Variants in CALML4 observed in about 807,000 individuals in gnomAD.
CALML4 encodes calmodulin like 4, also known as calmodulin-like protein 4.
CALML4 carries 16 observed loss-of-function variants against 17.9 expected under a neutral mutation model. The observed-to-expected ratio is 0.89, with a 90% confidence interval of 0.61 to 1.36. The LOEUF (loss-of-function observed/expected upper bound fraction) is 1.36, where lower values mean the gene tolerates loss of function less well. Ranked by LOEUF, CALML4 falls within the 40% of genes most tolerant of loss-of-function variation. CALML4 has a pLI of 0.00. For synonymous variants in CALML4, 86 were observed against 71.5 expected (o/e 1.20, Z -1.02); for missense variants, 203 against 194.8 (o/e 1.04, Z -0.25).
intron 2 of CALML4, among the ~76,000 whole-genome samples, chr15:68,202,643 CTT>C (rs35347293): frequency 1.6e-4 from 21 of 127,752 alleles, no homozygotes; most frequent in Non-Finnish European, 1.8e-4. Flanking sequence ...GTTTTGCCAA[CTT>C]TTTTTTTTTT....
At chr15:68,203,725 T>C (rs575479174) in intron 2 of CALML4, among the ~76,000 whole-genome samples, 1 of 152,304 alleles carries the variant, frequency 6.6e-6, no homozygotes, top group East Asian at 1.9e-4. Context: ...TGGCATATCC[T>C]ACTTCATAGG....
In CALML4 at chr15:68,204,504, G is replaced by A. The variant is rs1339702421; in HGVS notation, c.34+617C>T. The stretch of plus-strand genomic sequence containing the variant: ...TGAGGCTCCCCTGGCTCAGGTCTGG[G>A]CCCCCAAGTTCTTTGTAACGCAACT... On this transcript the variant is annotated intron_variant, in intron 2 of 4. Transcript: ENST00000467889. The surrounding 1 kb of genome is among the most constrained non-coding windows in gnomAD (Gnocchi z 6.0). 6.6e-6 allele frequency among the ~76,000 whole-genome samples: 1 copy of A among 152,176 alleles called. No homozygotes were observed. The highest frequency in any genetic ancestry group is 2.4e-5 in the African/African-American group (1 of 41,434).
intron 4 of CALML4, among the ~76,000 whole-genome samples, chr15:68,194,403 A>AAAC (rs2093134135): frequency 7.1e-6 from 1 of 140,008 alleles, no homozygotes; most frequent in African/African-American, 2.9e-5. Flanking sequence ...TTTTTTTTTT[A>AAAC]AAACAGTTTC....
In CALML4 at chr15:68,196,000, C is replaced by T. The variant is rs138700498; in HGVS notation, c.364+1440G>A. ...TTCCCTATCCATGTGAAAACAGCCA[C>T]GAGAGGTGAACCTGGAAAAGCTGGG... On this transcript the variant is annotated intron_variant, in intron 4 of 4. Transcript: ENST00000467889. Among the ~76,000 whole-genome samples, 5 of 152,234 alleles carry T rather than the reference C, an allele frequency of 3.3e-5. No individual in the cohort carries two copies. The East Asian group carries it at 5.8e-4, about 18-fold the overall frequency.
At chr15:68,202,376 C>T (rs1319010951) in intron 2 of CALML4, among the ~76,000 whole-genome samples, 1 of 152,326 alleles carries the variant, frequency 6.6e-6, no homozygotes, top group East Asian at 1.9e-4. Flanking sequence ...GAGGGTGAGA[C>T]AGGAGTATCG....
At chr15:68,199,909 TTG>T (rs2093159843) in intron 2 of CALML4, 4 of 401,146 alleles carry the variant, frequency 1.0e-5, no homozygotes, top group African/African-American at 8.2e-5. Flanking sequence ...GCCCCAAATT[TTG>T]CATAGGACAT....
chr15:68,199,659 C>T lies in CALML4; in HGVS notation c.57G>A (p.Leu19=). ...QINEYKECFS[L]YDKQQRGKIK... ...TCTTCCCCCTCTGCTGCTTGTCATACAGGGAGAAGCATTCCTTGTACTCTG... is the reference window on the plus strand; with the variant it reads ...TCTTCCCCCTCTGCTGCTTGTCATATAGGGAGAAGCATTCCTTGTACTCTG... Residue 19 remains leucine (L), a synonymous_variant, in exon 3 of 5, where the codon CTG becomes CTA. Transcript: ENST00000467889. 1 of 1,613,418 alleles carries T rather than the reference C, an allele frequency of 6.2e-7. No homozygotes were observed. The highest frequency in any genetic ancestry group is 1.1e-5 in the South Asian group (1 of 91,054).
At chr15:68,195,247 T>C (rs1172526529) in intron 4 of CALML4, among the ~76,000 whole-genome samples, 1 of 152,130 alleles carries the variant, frequency 6.6e-6, no homozygotes, top group African/African-American at 2.4e-5. Flanking sequence ...CCTGGATACC[T>C]TCCACACACA....
At chr15:68,195,309 C>T (rs545695309) in intron 4 of CALML4, among the ~76,000 whole-genome samples, 1 of 152,310 alleles carries the variant, frequency 6.6e-6, no homozygotes, top group East Asian at 1.9e-4. Flanking sequence ...CTTAACTATC[C>T]TTCTCGAAAG....
chr15:68,206,021 G>C (rs1179592041), upstream of CALML4: 2 of 152,916 alleles, frequency 1.3e-5, no homozygotes, highest in African/African-American at 2.4e-5. Context: ...GGCTCCTCGG[G>C]GGCTTGGAGT....
Position 68,205,050 on chromosome 15 carries a change from T to A in CALML4, c.34+71A>T. The A allele has an allele frequency of 6.4e-7, 1 of 1,561,200 alleles. No individual in the cohort carries two copies. The highest frequency in any genetic ancestry group is 1.1e-5 in the South Asian group (1 of 89,778). ...CACCTTCCTTCCCACCAAGAAAACA[T>A]GAGCAGAGCAAATTGCCTAATGAGA... is the stretch of plus-strand genomic sequence containing the variant. On this transcript the variant is annotated intron_variant, in intron 2 of 4. Coordinates refer to ENST00000467889, the MANE Select transcript of CALML4 (RefSeq NM_033429.3). This position sits in a 1 kb window ranked among gnomAD's most constrained non-coding sequence, Gnocchi z 4.8.
intron 4 of CALML4, 51 bp from the exon 5 acceptor site, chr15:68,194,163 A>AAAAC (rs748702036): frequency 3.2e-5 from 47 of 1,485,340 alleles, no homozygotes; most frequent in Admixed American, 5.0e-5. Flanking sequence ...GTTCCATTAT[A>AAAAC]AAACAGTGAG....
rs757210183 is a variant in CALML4, at chr15:68,194,086, T to C, written c.391A>G (p.Ile131Val). Residue 131 changes from isoleucine (I) to valine (V), a missense_variant, in exon 5 of 5, where the codon ATC becomes GTC. Ile to Val is a conservative substitution (Grantham distance 29). Transcript: ENST00000467889. ...EVDDLFREADIEPNGKVKYDE... is the reference protein window; with the variant it reads ...EVDDLFREADVEPNGKVKYDE... ...TACTTCACTTTGCCATTGGGTTCGATATCTGCTTCCCTGAAGAGATCATCC... is the reference window on the plus strand; with the variant it reads ...TACTTCACTTTGCCATTGGGTTCGACATCTGCTTCCCTGAAGAGATCATCC... 3.1e-6 allele frequency: 5 copies of C among 1,613,816 alleles called. No homozygotes were observed. The highest frequency in any genetic ancestry group is 8.5e-7 in the Non-Finnish European group (1 of 1,179,772).
At position 68,202,643 on chromosome 15, in the gene CALML4, CT is replaced by C. The variant is rs35347293; in HGVS notation, c.34+2477del. Among the ~76,000 whole-genome samples, 808 of 127,760 alleles carry C rather than the reference CT, an allele frequency of 6.3e-3. 16 individuals carry two copies. Among genetic ancestry groups the C allele is most frequent in the Middle Eastern group, 0.013 (3 of 234 alleles). The allele number at this position is 127,760 out of a possible 152,430, so 83.8% of individuals were successfully genotyped here. A position where few individuals can be genotyped will look rare whatever the true frequency, so the allele number is the denominator to read the frequency against. On this transcript the variant is annotated intron_variant, in intron 2 of 4. Coordinates refer to ENST00000467889, the MANE Select transcript of CALML4 (RefSeq NM_033429.3). ...GATTACCACAAATGAGTTTTGCCAA[CT>C]TTTTTTTTTTTTTTTTTTGAGAGAG...
chr15:68,197,521 T>C lies in CALML4; in HGVS notation c.283A>G (p.Lys95Glu), dbSNP rs1328807786. Reference sequence around the variant, plus strand: ...GCCATGACGTAACCTTTCTTCTCCTTGTCCACCATCAACATGGCTAGAAGA... The same window carrying C: ...GCCATGACGTAACCTTTCTTCTCCTCGTCCACCATCAACATGGCTAGAAGA... The part of the protein sequence containing the change: ...EILLAMLMVD[K>E]EKKGYVMASD... Residue 95 changes from lysine (K) to glutamate (E), a missense_variant, in exon 4 of 5, where the codon AAG (lysine) becomes GAG (glutamate). Lys to Glu is a moderately conservative substitution (Grantham distance 56, BLOSUM62 1). Transcript: ENST00000467889. The surrounding 1 kb of genome is among the most constrained non-coding windows in gnomAD (Gnocchi z 4.1). 2 of 1,614,186 alleles carry C rather than the reference T, an allele frequency of 1.2e-6. No individual in the cohort carries two copies. Among genetic ancestry groups the C allele is most frequent in the Non-Finnish European group, 1.7e-6 (2 of 1,180,036 alleles).
chr15:68,193,840 T>C lies in CALML4; in HGVS notation c.*175A>G, dbSNP rs2093131115. The C allele has an allele frequency of 5.2e-6, 3 of 578,704 alleles. No individual in the cohort carries two copies. Among genetic ancestry groups the C allele is most frequent in the East Asian group, 5.6e-5 (2 of 36,022 alleles). 35.8% of individuals were successfully genotyped at this position (578,704 alleles called of 1,614,324 possible). ...TACAAATCTTTTATTAAAGATCTAC[T>C]CATACCATGGCTGAAATCATCTATT... is the stretch of plus-strand genomic sequence containing the variant. On this transcript the variant is annotated 3_prime_UTR_variant, in exon 5 of 5. Coordinates refer to ENST00000467889, the MANE Select transcript of CALML4 (RefSeq NM_033429.3).
At chr15:68,203,232 G>A (rs144146782) in intron 2 of CALML4, among the ~76,000 whole-genome samples, 4 of 152,182 alleles carry the variant, frequency 2.6e-5, no homozygotes, top group African/African-American at 9.6e-5. Flanking sequence ...TTACAGACGT[G>A]AGCCACTGCA....
upstream of CALML4, chr15:68,205,651 G>T: frequency 2.2e-6 from 1 of 447,294 alleles, no homozygotes; most frequent in South Asian, 2.3e-5. This position sits in a 1 kb window ranked among gnomAD's most constrained non-coding sequence, Gnocchi z 4.8. Flanking sequence ...TTACACCCCG[G>T]GTCGTATTGA....
In CALML4 at chr15:68,204,493, C is replaced by G. The variant is rs76183398; in HGVS notation, c.34+628G>C. 0.021 allele frequency among the ~76,000 whole-genome samples: 3,160 copies of G among 152,300 alleles called. 112 individuals carry two copies. Among genetic ancestry groups the G allele is most frequent in the African/African-American group, 0.072 (2,978 of 41,548 alleles). On this transcript the variant is annotated intron_variant, in intron 2 of 4. Transcript: ENST00000467889. The surrounding 1 kb of genome is among the most constrained non-coding windows in gnomAD (Gnocchi z 6.0). ...GGCTGCAGCCATGAGGCTCCCCTGG[C>G]TCAGGTCTGGGCCCCCAAGTTCTTT...
Sources: allele counts gnomAD v4.1 joint callset (sites outside exome capture counted in the v4.1 genomes callset), GRCh38; gene constraint gnomAD v4.1.1; non-coding constraint Gnocchi (gnomAD v3.1); transcripts MANE v1.5; gene names NCBI Gene and HGNC (gene_info 2026-07-23, HGNC 2026-07-21).